The following CUX2 variants were observed in gnomAD, a reference collection of about 807,000 sequenced individuals.
CUX2 encodes the protein homeobox protein cut-like 2.
Under a neutral mutation model 144.8 loss-of-function variants are expected in CUX2, and 40 were observed. The ratio of observed to expected loss-of-function variants is 0.28; its 90% CI spans 0.21 to 0.36. The LOEUF (loss-of-function observed/expected upper bound fraction) is 0.36. Ranked by LOEUF, CUX2 falls within the 10% of genes least tolerant of loss-of-function variation. The pLI, the probability that CUX2 is intolerant of heterozygous loss-of-function variation, is 1.00. For missense variants in CUX2, 1,615 were observed against 1,994.0 expected (o/e 0.81, Z 3.62); for synonymous variants, 827 against 875.6 (o/e 0.94, Z 0.98).
At chr12:111,278,963 G>A (rs1885002840) in intron 4 of CUX2, among the ~76,000 whole-genome samples, 1 of 152,178 alleles carries the variant, frequency 6.6e-6, no homozygotes, top group Non-Finnish European at 1.5e-5. Context: ...GTAGCTCAGG[G>A]CTCCATGAAT....
chr12:111,094,677 G>C (rs1046554216), intron 1 of CUX2, among the ~76,000 whole-genome samples: 1 of 152,098 alleles, frequency 6.6e-6, no homozygotes, highest in African/African-American at 2.4e-5. Flanking sequence ...TTTCTGGGCT[G>C]GGGGGAGATG....
intron 10 of CUX2, among the ~76,000 whole-genome samples, chr12:111,305,785 G>A (rs908126966): frequency 2.6e-4 from 40 of 152,330 alleles, no homozygotes; most frequent in African/African-American, 9.4e-4. Flanking sequence ...TGTCTGGGGT[G>A]TTTTTGCTCA....
At chr12:111,221,015 C>A (rs1025570481) in intron 3 of CUX2, among the ~76,000 whole-genome samples, 1 of 150,274 alleles carries the variant, frequency 6.7e-6, no homozygotes, top group African/African-American at 2.4e-5. Flanking sequence ...GGGTCTGGCA[C>A]ACCGTTGGTG....
chr12:111,158,487 A>AAAC (rs541392971), intron 1 of CUX2, among the ~76,000 whole-genome samples: 1,583 of 151,048 alleles, frequency 0.01, 28 homozygotes, highest in African/African-American at 0.037. Flanking sequence ...AAAAAAAAAA[A>AAAC]AGCTCAGCCA....
chr12:111,253,079 C>T lies in CUX2; in HGVS notation c.223-10682C>T, dbSNP rs564453683. 3.9e-5 allele frequency among the ~76,000 whole-genome samples: 6 copies of T among 152,136 alleles called. No homozygotes were observed. In the South Asian group the frequency reaches 8.3e-4, roughly 21 times the overall value. ...CCACTGCCACCATCCTGCTCTGAGC[C>T]GCCTGGGTTGTTCTCCTGGAACTCG... is the stretch of plus-strand genomic sequence containing the variant. On this transcript the variant is annotated intron_variant, in intron 3 of 21. Transcript: ENST00000261726.
At chr12:111,063,932 G>C (rs1870914602) in intron 1 of CUX2, among the ~76,000 whole-genome samples, 1 of 152,236 alleles carries the variant, frequency 6.6e-6, no homozygotes, top group Admixed American at 6.5e-5. Flanking sequence ...CACCAGCCAA[G>C]TAGGTAGCTG....
At chr12:111,344,321 T>C (rs1356619771) in intron 21 of CUX2, among the ~76,000 whole-genome samples, 4 of 152,068 alleles carry the variant, frequency 2.6e-5, no homozygotes, top group Non-Finnish European at 5.9e-5. Flanking sequence ...AACATTTCAC[T>C]ATAATCTAAT....
chr12:111,155,760 T>A (rs1201386008), intron 1 of CUX2, among the ~76,000 whole-genome samples: 2 of 152,188 alleles, frequency 1.3e-5, no homozygotes, highest in Non-Finnish European at 2.9e-5. Flanking sequence ...GGCAAGTGTT[T>A]TGCAACCTCT....
chr12:111,220,887 G>A (rs1445557615), intron 3 of CUX2, among the ~76,000 whole-genome samples: 1 of 135,420 alleles, frequency 7.4e-6, no homozygotes, highest in African/African-American at 2.7e-5. Flanking sequence ...AGTGAGCTAT[G>A]ATTATACCAT....
At chr12:111,111,179 G>A (rs1873929516) in intron 1 of CUX2, among the ~76,000 whole-genome samples, 1 of 152,128 alleles carries the variant, frequency 6.6e-6, no homozygotes, top group Admixed American at 6.5e-5. Context: ...GCGTGCACCT[G>A]TAAACCCAGC....
At chr12:111,250,592 A>G (rs1028485487) in intron 3 of CUX2, among the ~76,000 whole-genome samples, 26 of 152,230 alleles carry the variant, frequency 1.7e-4, no homozygotes, top group African/African-American at 6.0e-4. Context: ...TCGGAGGCTG[A>G]GCCTTGGGAA....
chr12:111,121,327 A>G (rs1391555707), intron 1 of CUX2, among the ~76,000 whole-genome samples: 1 of 151,196 alleles, frequency 6.6e-6, no homozygotes. Flanking sequence ...AGATTCTGAA[A>G]TAAATGTGTT....
intron 1 of CUX2, among the ~76,000 whole-genome samples, chr12:111,118,013 G>T (rs944138470): frequency 5.9e-5 from 9 of 152,108 alleles, no homozygotes; most frequent in African/African-American, 2.2e-4. Context: ...GGTAAAGGCT[G>T]GGAAACCTCC....
chr12:111,124,992 A>G (rs1344659688), intron 1 of CUX2, among the ~76,000 whole-genome samples: 2 of 152,182 alleles, frequency 1.3e-5, no homozygotes, highest in Admixed American at 1.3e-4. Flanking sequence ...GGCCAGTCTC[A>G]GAGAATGAGG....
chr12:111,320,127 G>A lies in CUX2; in HGVS notation c.2118G>A (p.Ala706=), dbSNP rs755091721. ...AGCAGGCACGCCGTGAGATGCAGGC[G>A]CAACAGCAGGCGCTGCTGGAGATGG... is the stretch of plus-strand genomic sequence containing the variant. ...ILEQARREMQ[A]QQQALLEMEV... Residue 706 remains alanine (A), a synonymous_variant, in exon 17 of 22, where the codon GCG becomes GCA. Transcript: ENST00000261726. This position sits in a 1 kb window ranked among gnomAD's most constrained non-coding sequence, Gnocchi z 8.1. The A allele has an allele frequency of 3.2e-6, 5 of 1,555,068 alleles. No homozygotes were observed. The highest frequency in any genetic ancestry group is 1.4e-5 in the African/African-American group (1 of 73,564).
chr12:111,308,911 G>A (rs770720161), intron 14 of CUX2, among the ~76,000 whole-genome samples: 1 of 152,082 alleles, frequency 6.6e-6, no homozygotes, highest in Non-Finnish European at 1.5e-5. Flanking sequence ...GCCACCCGCT[G>A]ACTTTTTTTT....
At chr12:111,139,827 C>T (rs370307644) in intron 1 of CUX2, among the ~76,000 whole-genome samples, 6 of 152,168 alleles carry the variant, frequency 3.9e-5, no homozygotes, top group African/African-American at 1.2e-4. Context: ...GTGGTGGACC[C>T]ACCTTCACTC....
chr12:111,322,703 TC>T lies in CUX2; in HGVS notation c.2926+126del. 1 of 1,260,098 alleles carries T rather than the reference TC, an allele frequency of 7.9e-7. No individual in the cohort carries two copies. The highest frequency in any genetic ancestry group is 1.1e-6 in the Non-Finnish European group (1 of 910,802). The allele number at this position is 1,260,098 out of a possible 1,614,324, so 78.1% of individuals were successfully genotyped here. The stretch of plus-strand genomic sequence containing the variant: ...TCCCTCCCTGCTGCCCTGGCTTTCA[TC>T]CCAGTCACTGTCATGGCTGCACTGG... On this transcript the variant is annotated intron_variant, in intron 18 of 21. Transcript: ENST00000261726. The surrounding 1 kb of genome is among the most constrained non-coding windows in gnomAD (Gnocchi z 4.2).
intron 3 of CUX2, among the ~76,000 whole-genome samples, chr12:111,233,214 T>C (rs1882566799): frequency 6.6e-6 from 1 of 152,172 alleles, no homozygotes; most frequent in Admixed American, 6.5e-5. Flanking sequence ...TGGCCCCCAG[T>C]CTCTCCATAT....
Sources: gnomAD v4.1 joint callset for allele counts (sites outside exome capture counted in the v4.1 genomes callset) on GRCh38, gnomAD v4.1.1 for gene constraint, Gnocchi (gnomAD v3.1) non-coding constraint, MANE v1.5 for transcripts, NCBI Gene and HGNC (gene_info 2026-07-23, HGNC 2026-07-21) for gene names.